TNFRSF10A: variants seen among roughly 807,000 people sequenced by gnomAD.
The protein encoded by TNFRSF10A is TNF receptor superfamily member 10a.
A neutral mutation model predicts 42.8 loss-of-function variants in TNFRSF10A; 44 were observed. That is an observed-to-expected ratio of 1.03 (90% confidence interval 0.81 to 1.32). The LOEUF (loss-of-function observed/expected upper bound fraction) is 1.32. TNFRSF10A is among the 40% of genes most tolerant of loss of function. The pLI is 0.00. For synonymous variants in TNFRSF10A, 259 were observed against 234.2 expected (o/e 1.11, Z -0.97); for missense variants, 680 against 602.0 (o/e 1.13, Z -1.36).
At chr8:23,203,662 C>A (rs1221312202) in intron 2 of TNFRSF10A, among the ~76,000 whole-genome samples, 3 of 152,088 alleles carry the variant, frequency 2.0e-5, no homozygotes, top group African/African-American at 7.2e-5. Flanking sequence ...AAAACCCAAA[C>A]TGTGGAAAAA....
At chr8:23,196,233 A>G (rs1293945549) in intron 9 of TNFRSF10A, among the ~76,000 whole-genome samples, 3 of 152,046 alleles carry the variant, frequency 2.0e-5, no homozygotes, top group Admixed American at 1.3e-4. Context: ...TTGCTCTGTC[A>G]CCCAGGCTGG....
chr8:23,213,029 G>C (rs1014311434), intron 1 of TNFRSF10A, among the ~76,000 whole-genome samples: 2 of 152,128 alleles, frequency 1.3e-5, no homozygotes, highest in Non-Finnish European at 2.9e-5. Context: ...CTGGTCCTGG[G>C]CTTTTCTTTG....
In TNFRSF10A at chr8:23,200,452, G is replaced by A. The variant is rs141031583; in HGVS notation, c.799+53C>T. 2.0e-3 allele frequency: 3,193 copies of A among 1,598,720 alleles called. 54 individuals are homozygous for A. In the East Asian group the frequency reaches 0.036, roughly 18 times the overall value. ...GTGAGCGTTTCTGTCTGTGGGAACAGAAGAAGGCAGGGCAGAGAGTGCCCA... is the reference window on the plus strand; with the variant it reads ...GTGAGCGTTTCTGTCTGTGGGAACAAAAGAAGGCAGGGCAGAGAGTGCCCA... On this transcript the variant is annotated intron_variant, in intron 6 of 9. Coordinates refer to ENST00000221132, the MANE Select transcript of TNFRSF10A (RefSeq NM_003844.4).
At position 23,191,685 on chromosome 8, in the gene TNFRSF10A, A is replaced by AAGAGTCTTTCACTCCAAGGACACGGC. The variant is rs1800755320; in HGVS notation, c.1390_*8dup. The stretch of plus-strand genomic sequence containing the variant: ...CACCTAAGAGGAAACCTCTGGTAAA[A>AAGAGTCTTTCACTCCAAGGACACGGC]AGAGTCTTTCACTCCAAGGACACGG... On this transcript the variant is annotated 3_prime_UTR_variant, in exon 10 of 10. Coordinates refer to ENST00000221132, the MANE Select transcript of TNFRSF10A (RefSeq NM_003844.4). 1.9e-6 allele frequency: 3 copies of AAGAGTCTTTCACTCCAAGGACACGGC among 1,608,366 alleles called. No homozygotes were observed.
At chr8:23,199,479 C>T in intron 7 of TNFRSF10A, 31 bp from the exon 8 acceptor site, 2 of 1,599,696 alleles carry the variant, frequency 1.3e-6, no homozygotes, top group Non-Finnish European at 1.7e-6. Flanking sequence ...ACTCAGAAGC[C>T]CACACCCAGG....
chr8:23,218,645 G>T (rs1187645094), intron 1 of TNFRSF10A, among the ~76,000 whole-genome samples: 1 of 147,244 alleles, frequency 6.8e-6, no homozygotes, highest in Non-Finnish European at 1.5e-5. Flanking sequence ...GACTTCTCAG[G>T]TACCCCCAGC....
At chr8:23,197,334 GAAAA>G in intron 8 of TNFRSF10A, 130 bp from the exon 9 acceptor site, 4 of 1,085,028 alleles carry the variant, frequency 3.7e-6, no homozygotes, top group Non-Finnish European at 5.5e-6. Context: ...TGGAGATGGT[GAAAA>G]ACCTCTGGTC....
chr8:23,212,291 C>T lies in TNFRSF10A; in HGVS notation c.307-79G>A, dbSNP rs1425727713. 6 of 1,231,412 alleles carry T rather than the reference C, an allele frequency of 4.9e-6. No homozygotes were observed. The African/African-American group carries it at 7.5e-5, about 15-fold the overall frequency. 76.3% of individuals were successfully genotyped at this position (1,231,412 alleles called of 1,614,324 possible). A position where few individuals can be genotyped will look rare whatever the true frequency, so the allele number is the denominator to read the frequency against. Reference sequence around the variant, plus strand: ...CAAGATCAATCTCACATTCCATTCCCCCAAGCCTCCAAAATTAGACAGAAC... The same window carrying T: ...CAAGATCAATCTCACATTCCATTCCTCCAAGCCTCCAAAATTAGACAGAAC... On this transcript the variant is annotated intron_variant, in intron 1 of 9. Transcript: ENST00000221132.
chr8:23,195,253 T>C (rs573733923), intron 9 of TNFRSF10A, among the ~76,000 whole-genome samples: 3 of 152,350 alleles, frequency 2.0e-5, no homozygotes, highest in African/African-American at 7.2e-5. Context: ...TGGACTGAAC[T>C]AATAGAGGAC....
At chr8:23,214,717 G>A (rs1318893199) in intron 1 of TNFRSF10A, among the ~76,000 whole-genome samples, 1 of 152,156 alleles carries the variant, frequency 6.6e-6, no homozygotes. Flanking sequence ...CTGTGATTGG[G>A]CAGTGTTCAC....
chr8:23,221,280 T>G (rs1457828475), intron 1 of TNFRSF10A, among the ~76,000 whole-genome samples: 1 of 152,192 alleles, frequency 6.6e-6, no homozygotes, highest in Non-Finnish European at 1.5e-5. Context: ...CTGCAGACTT[T>G]TATATCCACC....
intron 1 of TNFRSF10A, among the ~76,000 whole-genome samples, chr8:23,218,759 AG>A (rs1801217977): frequency 6.6e-6 from 1 of 152,152 alleles, no homozygotes; most frequent in Admixed American, 6.5e-5. Flanking sequence ...TGCTGCCCCG[AG>A]GGTTGCTCAT....
chr8:23,206,163 G>T (rs2128849155), intron 2 of TNFRSF10A, among the ~76,000 whole-genome samples: 1 of 152,164 alleles, frequency 6.6e-6, no homozygotes, highest in South Asian at 2.1e-4. Context: ...TTTAAGCTAA[G>T]TGTTAAAACG....
Position 23,212,111 on chromosome 8 carries a change from T to C in TNFRSF10A, c.403+5A>G, listed in dbSNP as rs1481833812. On this transcript the variant is annotated splice_donor_5th_base_variant and intron_variant, in intron 2 of 9. Coordinates refer to ENST00000221132, the MANE Select transcript of TNFRSF10A (RefSeq NM_003844.4). The stretch of plus-strand genomic sequence containing the variant: ...AAAGGATTAGAGATCAGTCTTAGAA[T>C]GTACCTGGTGGACACAACTCTCCCA... The C allele has an allele frequency of 6.2e-6, 10 of 1,611,960 alleles. No homozygotes were observed. Among genetic ancestry groups the C allele is most frequent in the Non-Finnish European group, 8.5e-6 (10 of 1,178,254 alleles).
At chr8:23,209,281 A>G (rs1035730030) in intron 2 of TNFRSF10A, among the ~76,000 whole-genome samples, 1 of 152,236 alleles carries the variant, frequency 6.6e-6, no homozygotes, top group Non-Finnish European at 1.5e-5. Context: ...CCTCATGGAG[A>G]ACCTCTGCTA....
At chr8:23,218,488 ATTTC>A (rs1333961610) in intron 1 of TNFRSF10A, among the ~76,000 whole-genome samples, 1 of 151,832 alleles carries the variant, frequency 6.6e-6, no homozygotes, top group Admixed American at 6.6e-5. Flanking sequence ...TGGCTTTTTT[ATTTC>A]TTTGTTCTTT....
At chr8:23,224,726 T>A (rs1801310581) in intron 1 of TNFRSF10A, 30 bp downstream of exon 1, 1 of 1,546,008 alleles carries the variant, frequency 6.5e-7, no homozygotes, top group African/African-American at 1.4e-5. Flanking sequence ...GGCGCGCTTT[T>A]CCCCAGGCAG....
At chr8:23,207,050 C>T (rs983680872) in intron 2 of TNFRSF10A, 1 of 469,746 alleles carries the variant, frequency 2.1e-6, no homozygotes, top group African/African-American at 2.0e-5. Flanking sequence ...ACATCACCCA[C>T]CTTCCGGTGG....
chr8:23,202,100 C>T (rs892836972), intron 3 of TNFRSF10A, among the ~76,000 whole-genome samples, 181 bp from the exon 4 acceptor site: 3 of 151,206 alleles, frequency 2.0e-5, no homozygotes, highest in Non-Finnish European at 4.4e-5. Context: ...TCAGCTGTCA[C>T]CAACACTTGG....
Sources: allele counts gnomAD v4.1 joint callset (sites outside exome capture counted in the v4.1 genomes callset), GRCh38; gene constraint gnomAD v4.1.1; transcripts MANE v1.5; gene names NCBI Gene and HGNC (gene_info 2026-07-23, HGNC 2026-07-21).